Variants in LIMA1 observed in about 807,000 individuals in gnomAD.
LIMA1 encodes the protein LIM domain and actin binding 1.
In LIMA1, 52 loss-of-function variants were observed where a neutral mutation model predicts 62.6. That is an observed-to-expected ratio of 0.83 (90% CI 0.67 to 1.05). LIMA1 has a LOEUF of 1.05. LIMA1 is among the 50% of genes least tolerant of loss of function. The probability of loss-of-function intolerance (pLI) is 0.00; values close to 1 mark genes in which losing one functional copy is unlikely to be tolerated. For synonymous variants in LIMA1, 302 were observed against 317.8 expected, an observed-to-expected ratio of 0.95 and a Z score of 0.53; for missense variants, 780 against 902.2, an observed-to-expected ratio of 0.86 and a Z score of 1.74.
chr12:50,221,394 A>C (rs1941437184), intron 4 of LIMA1, among the ~76,000 whole-genome samples: 1 of 152,210 alleles, frequency 6.6e-6, no homozygotes, highest in South Asian at 2.1e-4. Flanking sequence ...GAGGTCTGCA[A>C]TCCACATGAA....
At chr12:50,210,455 C>T (rs896954895) in intron 4 of LIMA1, among the ~76,000 whole-genome samples, 6 of 145,230 alleles carry the variant, frequency 4.1e-5, no homozygotes, top group Non-Finnish European at 7.5e-5. Flanking sequence ...AAAAGAACAA[C>T]CAAAAGGAAA....
At chr12:50,260,727 A>G (rs1942055603) in intron 1 of LIMA1, among the ~76,000 whole-genome samples, 1 of 152,054 alleles carries the variant, frequency 6.6e-6, no homozygotes, top group Non-Finnish European at 1.5e-5. Context: ...GACATGTGCA[A>G]GTTTCTTTAC....
intron 1 of LIMA1, among the ~76,000 whole-genome samples, chr12:50,259,022 A>G (rs1210023550): frequency 6.6e-6 from 1 of 152,156 alleles, no homozygotes; most frequent in African/African-American, 2.4e-5. Context: ...TCATTCTAGT[A>G]TTCCCTCTTG....
intron 10 of LIMA1, 104 bp from the exon 11 acceptor site, chr12:50,178,173 G>A: frequency 1.2e-6 from 1 of 847,016 alleles, no homozygotes; most frequent in Non-Finnish European, 1.7e-6. Context: ...AAGATGCCAA[G>A]TAAGAAAAAG....
chr12:50,274,774 T>G (rs1013164000), intron 1 of LIMA1, among the ~76,000 whole-genome samples: 1 of 152,050 alleles, frequency 6.6e-6, no homozygotes, highest in African/African-American at 2.4e-5. Context: ...TGAATGACAT[T>G]TGAACTGAAA....
At chr12:50,217,274 A>C (rs1475220398) in intron 4 of LIMA1, among the ~76,000 whole-genome samples, 3 of 152,064 alleles carry the variant, frequency 2.0e-5, no homozygotes, top group African/African-American at 7.2e-5. Context: ...CTTCAGAAAA[A>C]TCAAAGCTAG....
chr12:50,203,305 C>T (rs1046760964), intron 6 of LIMA1, among the ~76,000 whole-genome samples: 8 of 151,854 alleles, frequency 5.3e-5, no homozygotes, highest in Non-Finnish European at 1.0e-4. Context: ...TGAGCTCCTG[C>T]GCCTGGCTAT....
At chr12:50,273,434 A>T (rs780120033) in intron 1 of LIMA1, among the ~76,000 whole-genome samples, 1 of 152,186 alleles carries the variant, frequency 6.6e-6, no homozygotes, top group Non-Finnish European at 1.5e-5. Context: ...TCATCTCAAA[A>T]ACAGGTATTG....
intron 4 of LIMA1, chr12:50,217,709 G>C (rs537147793): frequency 1.1e-5 from 3 of 281,012 alleles, no homozygotes; most frequent in South Asian, 3.8e-5. Context: ...TCTACAGTGG[G>C]GGGAAGGTGT....
chr12:50,183,862 A>ACTGTT (rs1041207173), intron 9 of LIMA1, among the ~76,000 whole-genome samples: 7 of 151,366 alleles, frequency 4.6e-5, no homozygotes, highest in African/African-American at 1.7e-4. Flanking sequence ...AAAAATTCAG[A>ACTGTT]CTGTTGGTTC....
At chr12:50,260,196 G>A (rs908109705) in intron 1 of LIMA1, among the ~76,000 whole-genome samples, 1 of 150,206 alleles carries the variant, frequency 6.7e-6, no homozygotes, top group African/African-American at 2.5e-5. Flanking sequence ...TGCCCATGCT[G>A]GAGTGCAATG....
At chr12:50,213,328 G>T (rs773076582) in intron 4 of LIMA1, among the ~76,000 whole-genome samples, 10 of 152,162 alleles carry the variant, frequency 6.6e-5, no homozygotes, top group Non-Finnish European at 1.3e-4. Context: ...GATATGTAGG[G>T]CCCATTGTTT....
intron 4 of LIMA1, among the ~76,000 whole-genome samples, chr12:50,211,858 AT>A (rs909707355): frequency 1.3e-5 from 2 of 152,100 alleles, no homozygotes; most frequent in East Asian, 1.9e-4. Context: ...CTTTTATCAC[AT>A]TTTAGCTCTT....
Position 50,233,057 on chromosome 12 carries a change from A to C in LIMA1, c.120-1347T>G, listed in dbSNP as rs758427119. The stretch of plus-strand genomic sequence containing the variant: ...TGCTTTTAATCAACTCTATCAGAAG[A>C]AGCTGTAAATCAGAGCAGACCTCAC... On this transcript the variant is annotated intron_variant, in intron 2 of 10. Transcript: ENST00000341247. 1.4e-4 allele frequency among the ~76,000 whole-genome samples: 22 copies of C among 152,224 alleles called. 1 individual carries two copies. Among genetic ancestry groups the C allele is most frequent in the South Asian group, 2.1e-4 (1 of 4,834 alleles).
intron 1 of LIMA1, among the ~76,000 whole-genome samples, chr12:50,275,378 T>C (rs1050843608): frequency 2.6e-4 from 40 of 151,690 alleles, no homozygotes; most frequent in African/African-American, 7.5e-4. Flanking sequence ...AATAATAAAA[T>C]AAAATGAGTT....
intron 7 of LIMA1, among the ~76,000 whole-genome samples, chr12:50,200,285 C>T (rs563847176): frequency 6.6e-6 from 1 of 152,116 alleles, no homozygotes; most frequent in South Asian, 2.1e-4. Context: ...CTCACTGCAA[C>T]CTCCACCTCC....
rs532697651 is a variant in LIMA1, at chr12:50,261,083, C to T, written c.-23-12309G>A. 7.0e-5 allele frequency among the ~76,000 whole-genome samples: 7 copies of T among 99,522 alleles called. No individual in the cohort carries two copies. The East Asian group carries it at 2.1e-3, about 30-fold the overall frequency. The allele number at this position is 99,522 out of a possible 152,430, so 65.3% of individuals were successfully genotyped here. On this transcript the variant is annotated intron_variant, in intron 1 of 10. Transcript: ENST00000341247. ...TTTTTTTTTTTTTGAGATGGAGTCT[C>T]GCTCTGTCGCCCAGGCTGGAGGGCA... is the stretch of plus-strand genomic sequence containing the variant.
Position 50,177,992 on chromosome 12 carries a change from T to G in LIMA1, c.1352A>C (p.Asn451Thr), listed in dbSNP as rs768551905. 1.3e-6 allele frequency: 2 copies of G among 1,599,974 alleles called. No homozygotes were observed. Among genetic ancestry groups the G allele is most frequent in the South Asian group, 2.3e-5 (2 of 87,660 alleles). ...TCTGTGCCCAAAGCCTTCATCATAG[T>G]TGCCCTTAGATTTAAAGAGTTGATT... ...HFNQLFKSKG[N>T]YDEGFGHRPH... Residue 451 changes from asparagine to threonine, a missense_variant, in exon 11 of 11, where the codon AAC (asparagine) becomes ACC (threonine). Transcript: ENST00000341247.
chr12:50,261,128 C>G (rs1308767264), intron 1 of LIMA1, among the ~76,000 whole-genome samples: 1 of 136,256 alleles, frequency 7.3e-6, no homozygotes, highest in Non-Finnish European at 1.5e-5. Context: ...TCTGGGCTCA[C>G]TGCAAGCTCC....
Sources: allele counts gnomAD v4.1 joint callset (sites outside exome capture counted in the v4.1 genomes callset), GRCh38; gene constraint gnomAD v4.1.1; transcripts MANE v1.5; gene names NCBI Gene and HGNC (gene_info 2026-07-23, HGNC 2026-07-21).